ERCC6L2: variants seen among roughly 807,000 people sequenced by gnomAD.
The protein encoded by ERCC6L2 is DNA excision repair protein ERCC-6-like 2.
Under a neutral mutation model 132.0 loss-of-function variants are expected in ERCC6L2, and 77 were observed. That is an observed-to-expected ratio of 0.58 (90% CI 0.49 to 0.71). The LOEUF (loss-of-function observed/expected upper bound fraction) is 0.71. Ranked by LOEUF, ERCC6L2 falls within the 30% of genes least tolerant of loss-of-function variation. The pLI is 0.00. For synonymous variants in ERCC6L2, 583 were observed against 632.4 expected (o/e 0.92, Z 1.17); for missense variants, 1,542 against 1,837.6 (o/e 0.84, Z 2.94).
At chr9:95,877,926 G>C (rs1004583672) in intron 1 of ERCC6L2, among the ~76,000 whole-genome samples, 4 of 152,148 alleles carry the variant, frequency 2.6e-5, no homozygotes, top group Non-Finnish European at 5.9e-5. Flanking sequence ...TCTTGGAAAG[G>C]AAATTACTCT....
chr9:95,995,017 A>G (rs1295134813), intron 17 of ERCC6L2, among the ~76,000 whole-genome samples: 2 of 152,202 alleles, frequency 1.3e-5, no homozygotes, highest in African/African-American at 2.4e-5. Context: ...GAACAATTCT[A>G]GTATAGCCTT....
intron 19 of ERCC6L2, among the ~76,000 whole-genome samples, chr9:96,023,645 C>A (rs1345365413): frequency 1.3e-5 from 2 of 152,326 alleles, no homozygotes; most frequent in East Asian, 3.9e-4. Context: ...CTCAGCACTG[C>A]GCTCCTCCAG....
intron 19 of ERCC6L2, among the ~76,000 whole-genome samples, chr9:96,029,259 G>C (rs543195623): frequency 7.0e-6 from 1 of 141,896 alleles, no homozygotes; most frequent in Non-Finnish European, 1.5e-5. Flanking sequence ...AGCTGAGATC[G>C]CGCCACTGCA....
At chr9:96,041,012 T>C (rs1834571737) in intron 20 of ERCC6L2, among the ~76,000 whole-genome samples, 1 of 152,228 alleles carries the variant, frequency 6.6e-6, no homozygotes, top group African/African-American at 2.4e-5. Context: ...GATGCCGCTG[T>C]AAACAAGATA....
intron 3 of ERCC6L2, among the ~76,000 whole-genome samples, chr9:95,903,452 AGTTGAT>A (rs910149934): frequency 2.0e-5 from 3 of 152,070 alleles, no homozygotes; most frequent in African/African-American, 7.2e-5. Flanking sequence ...TTGATATATT[AGTTGAT>A]GTTGTGTTGA....
At chr9:95,954,757 A>G (rs1329006403) in intron 12 of ERCC6L2, 3 of 471,060 alleles carry the variant, frequency 6.4e-6, no homozygotes, top group Admixed American at 4.7e-5. Context: ...AGAGAAAGGG[A>G]TGCTGAGCCC....
At position 96,029,476 on chromosome 9, in the gene ERCC6L2, G is replaced by A. The variant is rs73538537; in HGVS notation, c.*1504-9400G>A. Among the ~76,000 whole-genome samples the A allele has an allele frequency of 6.3e-3, 963 of 152,252 alleles. 10 individuals are homozygous for A. The highest frequency in any genetic ancestry group is 0.022 in the African/African-American group (924 of 41,554). On this transcript the variant is annotated intron_variant and NMD_transcript_variant, in intron 19 of 20. Transcript: ENST00000670016. Reference sequence around the variant, plus strand: ...CTGGTTTCCTGGATGTGTCCAGTTTGTGAACATTCATGAGCTCTAACCTTA... The same window carrying A: ...CTGGTTTCCTGGATGTGTCCAGTTTATGAACATTCATGAGCTCTAACCTTA...
Position 95,878,630 on chromosome 9 carries a change from T to C in ERCC6L2, c.47-2239T>C, listed in dbSNP as rs557610356. 3.3e-5 allele frequency among the ~76,000 whole-genome samples: 5 copies of C among 152,142 alleles called. No homozygotes were observed. In the South Asian group the frequency reaches 1.0e-3, roughly 32 times the overall value. On this transcript the variant is annotated intron_variant, in intron 1 of 18. Transcript: ENST00000653738. ...TTAACTTGTCATTTAGCATTAGGTATATCTCCTAAAGCTATCCCTCCCCCC... is the reference window on the plus strand; with the variant it reads ...TTAACTTGTCATTTAGCATTAGGTACATCTCCTAAAGCTATCCCTCCCCCC...
At chr9:95,964,679 A>T (rs1201146749) in intron 13 of ERCC6L2, among the ~76,000 whole-genome samples, 2 of 152,180 alleles carry the variant, frequency 1.3e-5, no homozygotes, top group Non-Finnish European at 2.9e-5. Context: ...GTCTATTGTT[A>T]TGATGAGATC....
Position 95,941,482 on chromosome 9 carries a change from G to A in ERCC6L2, c.1780G>A (p.Gly594Ser), listed in dbSNP as rs368747018. 2.2e-5 allele frequency: 36 copies of A among 1,612,052 alleles called. No individual in the cohort carries two copies. The highest frequency in any genetic ancestry group is 1.0e-4 in the Admixed American group (6 of 59,856). Reference sequence around the variant, plus strand: ...TGGTGGACTAGGCCTCAATTTTGTCGGTGCCAATGTTGTTGTATTATTTGA... The same window carrying A: ...TGGTGGACTAGGCCTCAATTTTGTCAGTGCCAATGTTGTTGTATTATTTGA... ...MAGGLGLNFV[G>S]ANVVVLFDPT... The change falls in exon 12 of 19, where the codon GGT (glycine) becomes AGT (serine). Residue 594 changes from glycine (G) to serine (S), a missense_variant. Physicochemically the swap from Gly to Ser is moderately conservative, Grantham distance 56. Transcript: ENST00000653738.
At chr9:96,003,865 G>A (rs1833773242) in intron 17 of ERCC6L2, among the ~76,000 whole-genome samples, 2 of 152,298 alleles carry the variant, frequency 1.3e-5, no homozygotes, top group South Asian at 2.1e-4. Context: ...TATTCATACT[G>A]TATCATCTTG....
intron 2 of ERCC6L2, among the ~76,000 whole-genome samples, chr9:95,883,992 T>G (rs1827735109): frequency 6.6e-6 from 1 of 152,266 alleles, no homozygotes; most frequent in African/African-American, 2.4e-5. Context: ...AAGGCTGTCT[T>G]TCATCTCTGA....
At chr9:95,985,218 A>G (rs1050556736) in intron 17 of ERCC6L2, among the ~76,000 whole-genome samples, 4 of 152,106 alleles carry the variant, frequency 2.6e-5, no homozygotes, top group Non-Finnish European at 4.4e-5. Context: ...TTTTTTCCTC[A>G]TGTATGTTAC....
Position 96,010,360 on chromosome 9 carries a change from A to C in ERCC6L2, c.3675-1865A>C, listed in dbSNP as rs189367567. Reference sequence around the variant, plus strand: ...CCTAAAAGCAAAGGAAACACAAACTATGTAACCTGGTCTACGTGGCAGAAA... The same window carrying C: ...CCTAAAAGCAAAGGAAACACAAACTCTGTAACCTGGTCTACGTGGCAGAAA... On this transcript the variant is annotated intron_variant, in intron 18 of 18. Transcript: ENST00000653738. Among the ~76,000 whole-genome samples the C allele has an allele frequency of 1.1e-4, 16 of 152,378 alleles. No individual in the cohort carries two copies. In the East Asian group the frequency reaches 3.1e-3, roughly 29 times the overall value.
intron 19 of ERCC6L2, among the ~76,000 whole-genome samples, chr9:96,029,772 GTTTT>G (rs1280192882): frequency 2.0e-5 from 3 of 152,054 alleles, no homozygotes; most frequent in African/African-American, 7.2e-5. Context: ...TTGATCATGG[GTTTT>G]TTGTTTGTTT....
chr9:95,908,722 T>A (rs1829202796), intron 4 of ERCC6L2, among the ~76,000 whole-genome samples: 1 of 152,158 alleles, frequency 6.6e-6, no homozygotes, highest in Non-Finnish European at 1.5e-5. Context: ...AGGTGAAGAT[T>A]AAAGCATGGC....
chr9:95,962,295 A>G (rs913258499), intron 13 of ERCC6L2, among the ~76,000 whole-genome samples: 19 of 152,184 alleles, frequency 1.2e-4, no homozygotes, highest in Non-Finnish European at 2.4e-4. Context: ...TGGTTGGGGC[A>G]TTTGAGAGAT....
intron 18 of ERCC6L2, among the ~76,000 whole-genome samples, chr9:96,008,813 G>T (rs574882514): frequency 2.6e-5 from 4 of 152,192 alleles, no homozygotes; most frequent in African/African-American, 9.7e-5. Flanking sequence ...TCACATGCTG[G>T]GTTGAGTTTG....
chr9:96,036,769 A>T lies in ERCC6L2; in HGVS notation c.*1504-2107A>T, dbSNP rs200171814. Among the ~76,000 whole-genome samples, 1,161 of 119,836 alleles carry T rather than the reference A, an allele frequency of 9.7e-3. 9 individuals carry two copies. Among genetic ancestry groups the T allele is most frequent in the African/African-American group, 0.027 (857 of 31,394 alleles). The allele number at this position is 119,836 out of a possible 152,430, so 78.6% of individuals were successfully genotyped here. A position where few individuals can be genotyped will look rare whatever the true frequency, so the allele number is the denominator to read the frequency against. On this transcript the variant is annotated intron_variant and NMD_transcript_variant, in intron 19 of 20. Coordinates refer to the ERCC6L2 transcript ENST00000670016. ...TATTATTATTATTATTATTATTTTT[A>T]TTTATTTTTTTTTTTGAGACGGAGT...
Sources: gnomAD v4.1 joint callset for allele counts (sites outside exome capture counted in the v4.1 genomes callset) on GRCh38, gnomAD v4.1.1 for gene constraint, MANE v1.5 for transcripts, NCBI Gene and HGNC (gene_info 2026-07-23, HGNC 2026-07-21) for gene names.